ABL2: variants seen among roughly 807,000 people sequenced by gnomAD.
ABL2 encodes tyrosine-protein kinase ABL2.
ABL2 carries 49 observed loss-of-function variants against 107.7 expected under a neutral mutation model. The observed-to-expected ratio is 0.45, with a 90% CI of 0.36 to 0.58. The LOEUF is 0.58. ABL2 is among the 20% of genes least tolerant of loss of function. The pLI, the probability that ABL2 is intolerant of heterozygous loss-of-function variation, is 0.00. For missense variants in ABL2, 1,245 were observed against 1,457.0 expected (o/e 0.85, Z 2.37); for synonymous variants, 549 against 548.6 (o/e 1.00, Z -0.01).
At chr1:179,144,004 A>T (rs1335173849) in intron 1 of ABL2, among the ~76,000 whole-genome samples, 1 of 152,160 alleles carries the variant, frequency 6.6e-6, no homozygotes, top group African/African-American at 2.4e-5. Flanking sequence ...CCTGAGTGTT[A>T]AAAGTTTTTA....
chr1:179,156,219 T>G (rs1204267998), intron 1 of ABL2, among the ~76,000 whole-genome samples: 1 of 152,246 alleles, frequency 6.6e-6, no homozygotes, highest in East Asian at 1.9e-4. Flanking sequence ...TACATATATT[T>G]GGGTACTGGC....
chr1:179,191,344 A>C (rs115315347), intron 1 of ABL2, among the ~76,000 whole-genome samples: 1 of 151,634 alleles, frequency 6.6e-6, no homozygotes, highest in Non-Finnish European at 1.5e-5. Context: ...TACTTTTCCA[A>C]TTCTTCTATA....
At position 179,131,322 on chromosome 1, in the gene ABL2, C is replaced by T. The variant is rs147306941; in HGVS notation, c.380G>A (p.Ser127Asn). The T allele has an allele frequency of 1.9e-6, 3 of 1,613,638 alleles. No individual in the cohort carries two copies. The highest frequency in any genetic ancestry group is 2.5e-6 in the Non-Finnish European group (3 of 1,179,740). The stretch of plus-strand genomic sequence containing the variant: ...CATAGAAGCCTCACCTTTAGTGATG[C>T]TGAGTGTGTTATCACCACTTGCTAC... The part of the protein sequence containing the change: ...DFVASGDNTL[S>N]ITKGEKLRVL... The change falls in exon 3 of 12, where the codon AGC becomes AAC. Residue 127 changes from serine (S) to asparagine (N), a missense_variant. Ser to Asn is a conservative substitution (Grantham distance 46). Around this residue, in one of 3 missense-constraint regions of ABL2, gnomAD observed 320 missense variants for 547.0 expected, o/e 0.59. Coordinates refer to ENST00000502732, the MANE Select transcript of ABL2 (RefSeq NM_007314.4).
intron 1 of ABL2, among the ~76,000 whole-genome samples, chr1:179,219,991 C>T (rs141845515): frequency 3.9e-5 from 6 of 152,336 alleles, no homozygotes; most frequent in African/African-American, 1.2e-4. Context: ...AATTTTATCA[C>T]TTAATTATTT....
chr1:179,218,807 T>C (rs72709490), intron 1 of ABL2, among the ~76,000 whole-genome samples: 3,352 of 152,294 alleles, frequency 0.022, 65 homozygotes, highest in Middle Eastern at 0.054. Flanking sequence ...CTTGAGCTCC[T>C]CCTCAGCCCT....
At position 179,116,984 on chromosome 1, in the gene ABL2, C is replaced by T. The variant is rs552426406; in HGVS notation, c.1408+348G>A. 5.1e-3 allele frequency: 1,604 copies of T among 316,028 alleles called. 63 individuals carry two copies. Among genetic ancestry groups the T allele is most frequent in the South Asian group, 0.047 (1,530 of 32,900 alleles). 19.6% of individuals were successfully genotyped at this position (316,028 alleles called of 1,614,324 possible). On this transcript the variant is annotated intron_variant, in intron 8 of 11. Coordinates refer to ENST00000502732, the MANE Select transcript of ABL2 (RefSeq NM_007314.4). ...CCTCTTGAATAGCTGGGATTACTGG[C>T]GCATGCCACCACGCCTGGCTAATTT...
intron 1 of ABL2, among the ~76,000 whole-genome samples, chr1:179,134,069 G>A (rs1006728003): frequency 3.3e-5 from 5 of 152,038 alleles, no homozygotes; most frequent in Non-Finnish European, 5.9e-5. Context: ...TACATTCTAC[G>A]TATGTTTGTT....
intron 1 of ABL2, among the ~76,000 whole-genome samples, chr1:179,210,696 C>CA (rs980854113): frequency 6.6e-5 from 10 of 151,124 alleles, no homozygotes; most frequent in Admixed American, 3.3e-4. Context: ...CAACAAAATA[C>CA]AAAAAAAATG....
intron 8 of ABL2, among the ~76,000 whole-genome samples, chr1:179,115,695 T>A (rs1385434785): frequency 5.3e-5 from 8 of 152,278 alleles, no homozygotes; most frequent in Admixed American, 3.3e-4. Flanking sequence ...GGTCTTAGAA[T>A]GTATTCTCCT....
chr1:179,196,776 C>CAAAA (rs532267646), intron 1 of ABL2, among the ~76,000 whole-genome samples: 1 of 140,832 alleles, frequency 7.1e-6, no homozygotes. Flanking sequence ...AACAAACAAA[C>CAAAA]AAAAAAAAAC....
At chr1:179,229,210 C>CCCCCCCCCCA in intron 1 of ABL2, 31 bp downstream of exon 1, 1 of 1,489,008 alleles carries the variant, frequency 6.7e-7, no homozygotes. Context: ...GCCTCCCCCA[C>CCCCCCCCCCA]GCTCTCATGC....
chr1:179,213,046 C>CA (rs368969682), intron 1 of ABL2, among the ~76,000 whole-genome samples: 13,833 of 81,012 alleles, frequency 0.17, 868 homozygotes, highest in African/African-American at 0.23. Context: ...AACTCCGTCT[C>CA]AAAAAAAAAA....
chr1:179,208,390 A>G (rs1328561997), intron 1 of ABL2, among the ~76,000 whole-genome samples: 1 of 151,926 alleles, frequency 6.6e-6, no homozygotes, highest in Non-Finnish European at 1.5e-5. Context: ...CTTATAAGTG[A>G]GAACACAGGG....
Position 179,210,529 on chromosome 1 carries a change from A to T in ABL2, c.157+18712T>A, listed in dbSNP as rs532813086. 5.3e-5 allele frequency among the ~76,000 whole-genome samples: 8 copies of T among 151,172 alleles called. No homozygotes were observed. In the East Asian group the frequency reaches 1.4e-3, roughly 26 times the overall value. On this transcript the variant is annotated intron_variant, in intron 1 of 11. Transcript: ENST00000502732. ...AAAAAAAAAAAAAAAGAAAAAAAAA[A>T]GCTTTAAGAGAAAAATTTTTAAAGG...
intron 1 of ABL2, among the ~76,000 whole-genome samples, chr1:179,211,247 C>T (rs2636272): frequency 6.6e-6 from 1 of 151,902 alleles, no homozygotes; most frequent in African/African-American, 2.4e-5. Flanking sequence ...GCTGGACCTG[C>T]TGGCTCACAT....
rs1653408560 is a variant in ABL2 at position 179,105,502 on chromosome 1, T to C, written c.*2216A>G. 8.7e-6 allele frequency: 2 copies of C among 229,524 alleles called. No homozygotes were observed. Among genetic ancestry groups the C allele is most frequent in the Non-Finnish European group, 1.7e-5 (2 of 115,800 alleles). The allele number at this position is 229,524 out of a possible 1,614,324, so 14.2% of individuals were successfully genotyped here. On this transcript the variant is annotated 3_prime_UTR_variant, in exon 12 of 12. Coordinates refer to ENST00000502732, the MANE Select transcript of ABL2 (RefSeq NM_007314.4). ...TACGGACATGTATGATGAGCAAGAA[T>C]GGCAGGAAAGAAGGTGGGAGAAGGA...
chr1:179,135,322 T>G (rs922548751), intron 1 of ABL2, among the ~76,000 whole-genome samples: 1 of 149,270 alleles, frequency 6.7e-6, no homozygotes, highest in African/African-American at 2.6e-5. Flanking sequence ...ATCTGGGAAG[T>G]GAGGAGCGTC....
chr1:179,124,423 T>C (rs967019373), intron 4 of ABL2, among the ~76,000 whole-genome samples: 3 of 147,810 alleles, frequency 2.0e-5, no homozygotes, highest in Non-Finnish European at 4.5e-5. Flanking sequence ...CTTGCAGAGA[T>C]AGCCACTATG....
intron 8 of ABL2, 61 bp downstream of exon 8, chr1:179,117,271 A>G: frequency 1.3e-6 from 2 of 1,505,608 alleles, no homozygotes; most frequent in Non-Finnish European, 1.8e-6. Context: ...GCTCTAAAGA[A>G]TCAAGGCATT....
Sources: allele counts gnomAD v4.1 joint callset (sites outside exome capture counted in the v4.1 genomes callset), GRCh38; gene constraint gnomAD v4.1.1; regional missense constraint gnomAD v4.1.1; transcripts MANE v1.5; gene names NCBI Gene and HGNC (gene_info 2026-07-23, HGNC 2026-07-21).